The following ARID1B variants were observed in gnomAD, a reference collection of about 807,000 sequenced individuals.
The protein encoded by ARID1B is AT-rich interactive domain-containing protein 1B.
In ARID1B, 30 loss-of-function variants were observed where a neutral mutation model predicts 212.3. The observed-to-expected ratio is 0.14, with a 90% CI of 0.11 to 0.19. ARID1B has a LOEUF of 0.19. Ranked by LOEUF, ARID1B falls within the 10% of genes least tolerant of loss-of-function variation. The pLI is 1.00. For synonymous variants in ARID1B, 1,402 were observed against 1,301.7 expected (o/e 1.08, Z -1.66); for missense variants, 2,891 against 3,204.0 (o/e 0.90, Z 2.36).
chr6:157,076,164 T>A (rs186202670), intron 4 of ARID1B, among the ~76,000 whole-genome samples: 1 of 152,294 alleles, frequency 6.6e-6, no homozygotes, highest in Non-Finnish European at 1.5e-5. Context: ...AACAAATACA[T>A]TTTTTCTTAT....
At chr6:157,196,086 A>C in intron 15 of ARID1B, 79 bp from the exon 16 acceptor site, 3 of 1,540,750 alleles carry the variant, frequency 1.9e-6, no homozygotes, top group Non-Finnish European at 2.6e-6. Flanking sequence ...CAAAGACAAT[A>C]GAGATGACTA....
At position 157,146,921 on chromosome 6, in the gene ARID1B, C is replaced by A. The variant is rs144497823; in HGVS notation, c.2762-1703C>A. On this transcript the variant is annotated intron_variant, in intron 7 of 19. Coordinates refer to ENST00000636930, the MANE Select transcript of ARID1B (RefSeq NM_001374828.1). ...CATTTTATTGGTCAAATACATGGGT[C>A]CCCGAGCCAGTTTGCTTGAGCTTCA... 2.6e-5 allele frequency among the ~76,000 whole-genome samples: 4 copies of A among 152,258 alleles called. No individual in the cohort carries two copies. The East Asian group carries it at 7.7e-4, about 29-fold the overall frequency.
At chr6:156,791,491 C>T (rs1780004346) in intron 1 of ARID1B, among the ~76,000 whole-genome samples, 1 of 152,222 alleles carries the variant, frequency 6.6e-6, no homozygotes, top group African/African-American at 2.4e-5. Flanking sequence ...CATTCTTAAC[C>T]TCTTTGACTG....
chr6:157,143,612 T>C (rs931130776), intron 7 of ARID1B, among the ~76,000 whole-genome samples: 10 of 152,158 alleles, frequency 6.6e-5, no homozygotes, highest in African/African-American at 2.4e-4. Flanking sequence ...TCGTAGTCAC[T>C]TTACAGATGA....
intron 2 of ARID1B, among the ~76,000 whole-genome samples, chr6:156,841,428 A>G (rs570829652): frequency 6.6e-6 from 1 of 152,280 alleles, no homozygotes; most frequent in African/African-American, 2.4e-5. Flanking sequence ...TTTGATAGAC[A>G]TATAATTTTG....
intron 4 of ARID1B, among the ~76,000 whole-genome samples, chr6:157,039,870 CT>C (rs1487919701): frequency 8.1e-4 from 56 of 68,820 alleles, no homozygotes; most frequent in Middle Eastern, 6.8e-3. Flanking sequence ...CTCTCTCTTT[CT>C]CTTTCTTTTC....
At chr6:157,064,126 C>T (rs1439034884) in intron 4 of ARID1B, among the ~76,000 whole-genome samples, 1 of 152,204 alleles carries the variant, frequency 6.6e-6, no homozygotes, top group Non-Finnish European at 1.5e-5. Flanking sequence ...TATTCATTGG[C>T]CTGGATTCCC....
chr6:156,947,945 A>G (rs1349456546), intron 4 of ARID1B, among the ~76,000 whole-genome samples: 4 of 152,174 alleles, frequency 2.6e-5, no homozygotes, highest in African/African-American at 7.2e-5. Flanking sequence ...CTACGAAAAC[A>G]GAGACTCCAG....
At chr6:156,909,028 A>G (rs111257415) in intron 3 of ARID1B, among the ~76,000 whole-genome samples, 2,842 of 152,046 alleles carry the variant, frequency 0.019, 96 homozygotes, top group African/African-American at 0.065. Flanking sequence ...ACTTTCTTCA[A>G]AGTATTTTAA....
chr6:157,045,137 T>C (rs2128539749), intron 4 of ARID1B, among the ~76,000 whole-genome samples: 1 of 152,316 alleles, frequency 6.6e-6, no homozygotes, highest in South Asian at 2.1e-4. Flanking sequence ...TAAACTACTA[T>C]AAAGTTGACA....
At chr6:157,184,800 A>G (rs957202673) in intron 13 of ARID1B, 2 of 294,550 alleles carry the variant, frequency 6.8e-6, no homozygotes, top group East Asian at 1.9e-4. Context: ...GTTTGAATAC[A>G]TGTGCACTTC....
intron 2 of ARID1B, among the ~76,000 whole-genome samples, chr6:156,869,269 A>G (rs184193121): frequency 1.3e-5 from 2 of 152,304 alleles, no homozygotes; most frequent in Non-Finnish European, 2.9e-5. Context: ...CGAGATTAAC[A>G]AATTTTTTTT....
rs1251241593 is a variant in ARID1B, at chr6:156,778,175, G to A, written c.495G>A (p.Gln165=). The A allele has an allele frequency of 3.2e-6, 5 of 1,541,516 alleles. No homozygotes were observed. In the African/African-American group the frequency reaches 4.1e-5, roughly 13 times the overall value. Residue 165 remains glutamine (Q), a synonymous_variant, in exon 1 of 20, where the codon CAG becomes CAA. Coordinates refer to ENST00000636930, the MANE Select transcript of ARID1B (RefSeq NM_001374828.1). ...AAGCCCCCGCCGCGCCGCCCCACCA[G>A]CAGCACCACCACCACCACCATGCCC... ...VGEAPAAPPH[Q]QHHHHHHAHH... is the part of the protein sequence containing the mutation.
rs374757545 is a variant in ARID1B, at chr6:157,170,421, C to T, written c.3235+3236C>T. ...GCCTCATTGCGAGGGGCTGGTTGTC[C>T]GGGTTGTTTGTAGAGGTTGCTGGGG... On this transcript the variant is annotated intron_variant, in intron 9 of 19. Coordinates refer to ENST00000636930, the MANE Select transcript of ARID1B (RefSeq NM_001374828.1). Among the ~76,000 whole-genome samples the T allele has an allele frequency of 6.6e-5, 10 of 152,238 alleles. 2 individuals are homozygous for T. Among genetic ancestry groups the T allele is most frequent in the African/African-American group, 2.4e-4 (10 of 41,536 alleles).
intron 4 of ARID1B, among the ~76,000 whole-genome samples, chr6:156,971,221 A>G (rs377563008): frequency 6.6e-6 from 1 of 152,318 alleles, no homozygotes. Context: ...TGGAAAAAAT[A>G]TGTTCTTTTA....
intron 1 of ARID1B, among the ~76,000 whole-genome samples, chr6:156,824,106 A>G (rs1382169669): frequency 6.6e-6 from 1 of 151,956 alleles, no homozygotes; most frequent in East Asian, 1.9e-4. Context: ...TTTCTTCCTT[A>G]GAGAGAGAGA....
intron 2 of ARID1B, among the ~76,000 whole-genome samples, chr6:156,860,845 G>C (rs1785277505): frequency 6.6e-6 from 1 of 152,018 alleles, no homozygotes; most frequent in Non-Finnish European, 1.5e-5. Context: ...TTCTTTTCTA[G>C]CTTGAGAAAA....
intron 6 of ARID1B, among the ~76,000 whole-genome samples, chr6:157,128,975 A>G (rs1306651926): frequency 6.6e-6 from 1 of 152,216 alleles, no homozygotes; most frequent in Non-Finnish European, 1.5e-5. Flanking sequence ...CAGTTACCCA[A>G]GTGCTGGAGT....
intron 2 of ARID1B, among the ~76,000 whole-genome samples, chr6:156,841,127 C>G (rs1206996661): frequency 6.6e-6 from 1 of 152,192 alleles, no homozygotes; most frequent in Admixed American, 6.5e-5. Context: ...GGAAGATGGG[C>G]TTTGAGCCTC....
Sources: gnomAD v4.1 joint callset for allele counts (sites outside exome capture counted in the v4.1 genomes callset) on GRCh38, gnomAD v4.1.1 for gene constraint, MANE v1.5 for transcripts, NCBI Gene and HGNC (gene_info 2026-07-23, HGNC 2026-07-21) for gene names.